The following TRIP12 variants were observed in gnomAD, a reference collection of about 807,000 sequenced individuals.
TRIP12 encodes the protein thyroid hormone receptor interactor 12.
Under a neutral mutation model 244.2 loss-of-function variants are expected in TRIP12, and 25 were observed. The ratio of observed to expected loss-of-function variants is 0.10; its 90% confidence interval spans 0.07 to 0.14. The LOEUF (loss-of-function observed/expected upper bound fraction) is 0.14. TRIP12 is among the 10% of genes least tolerant of loss of function. TRIP12 has a pLI of 1.00. For synonymous variants in TRIP12, 905 were observed against 873.1 expected (o/e 1.04, Z -0.64); for missense variants, 1,677 against 2,486.4 (o/e 0.67, Z 6.92).
At chr2:229,914,106 A>AGGGAATC (rs1422819019) in intron 1 of TRIP12, among the ~76,000 whole-genome samples, 1 of 152,168 alleles carries the variant, frequency 6.6e-6, no homozygotes, top group Non-Finnish European at 1.5e-5. Context: ...AGGCTGAGGC[A>AGGGAATC]GGGAATCGCT....
In TRIP12 at chr2:229,764,723, AG is replaced by A. The variant is rs2031278859; in HGVS notation, c.*2830del. The A allele has an allele frequency of 6.6e-6, 1 of 152,224 alleles. No individual in the cohort carries two copies. The highest frequency in any genetic ancestry group is 2.4e-5 in the African/African-American group (1 of 41,452). 9.4% of individuals were successfully genotyped at this position (152,224 alleles called of 1,614,324 possible). A position where few individuals can be genotyped will look rare whatever the true frequency, so the allele number is the denominator to read the frequency against. On this transcript the variant is annotated 3_prime_UTR_variant, in exon 42 of 42. Coordinates refer to ENST00000675903, the MANE Select transcript of TRIP12 (RefSeq NM_001348323.3). ...GCTCTGTCCCTTGGCCTTCTGTGGT[AG>A]GATGTATAGGATGCCCTAGGGAAGT...
intron 4 of TRIP12, among the ~76,000 whole-genome samples, chr2:229,849,921 GGCA>G: frequency 1.6e-5 from 2 of 126,950 alleles, no homozygotes; most frequent in Non-Finnish European, 3.3e-5. Flanking sequence ...GAAAATTTTT[GGCA>G]TAATACACAC....
At chr2:229,905,559 CA>C (rs2072499389) in intron 1 of TRIP12, among the ~76,000 whole-genome samples, 1 of 152,134 alleles carries the variant, frequency 6.6e-6, no homozygotes. Context: ...TCAAAAATAA[CA>C]AAAGCATTAT....
Position 229,774,127 on chromosome 2 carries a change from G to T in TRIP12, c.5664C>A (p.Val1888=). The T allele has an allele frequency of 6.2e-7, 1 of 1,614,082 alleles. No individual in the cohort carries two copies. The highest frequency in any genetic ancestry group is 1.1e-5 in the South Asian group (1 of 91,058). The change falls in exon 38 of 42, where the codon GTC becomes GTA. Residue 1888 remains valine, a synonymous_variant. Transcript: ENST00000675903. ...ELKKGGKDIP[V]TIHNLEEYLR... ...GATACTCCTCTAAATTGTGGATAGT[G>T]ACTGGTATATCCTTCCCTCCTTTCT...
At chr2:229,792,897 T>C (rs2041904037) in intron 27 of TRIP12, 76 bp downstream of exon 27, 1 of 1,418,308 alleles carries the variant, frequency 7.1e-7, no homozygotes, top group African/African-American at 1.4e-5. Flanking sequence ...AACAGAGAAA[T>C]AATGTATGTA....
chr2:229,917,184 T>A (rs190721114), intron 1 of TRIP12, among the ~76,000 whole-genome samples: 1 of 151,672 alleles, frequency 6.6e-6, no homozygotes, highest in South Asian at 2.1e-4. Context: ...ATCAAGACCA[T>A]CCTGGCTAAC....
At chr2:229,840,104 T>C (rs2056008667) in intron 5 of TRIP12, among the ~76,000 whole-genome samples, 1 of 152,222 alleles carries the variant, frequency 6.6e-6, no homozygotes, top group Non-Finnish European at 1.5e-5. Flanking sequence ...TTTTGATTCA[T>C]TAATCACACT....
intron 9 of TRIP12, among the ~76,000 whole-genome samples, chr2:229,817,436 G>A (rs531653426): frequency 2.9e-4 from 44 of 152,160 alleles, no homozygotes; most frequent in Non-Finnish European, 5.4e-4. Context: ...TTGTGCTAAG[G>A]TGCCTACATT....
Position 229,771,641 on chromosome 2 carries a change from A to G in TRIP12, c.5695-9T>C, listed in dbSNP as rs761708646. 3.2e-5 allele frequency: 51 copies of G among 1,609,450 alleles called. No individual in the cohort carries two copies. Among genetic ancestry groups the G allele is most frequent in the African/African-American group, 4.0e-5 (3 of 74,738 alleles). On this transcript the variant is annotated splice_polypyrimidine_tract_variant and intron_variant, in intron 38 of 41. Coordinates refer to ENST00000675903, the MANE Select transcript of TRIP12 (RefSeq NM_001348323.3). ...GCCCAGAATATAACCAGCTGCAAAA[A>G]GAAAGTTTTCAAAAAACTGTGACAA... is the stretch of plus-strand genomic sequence containing the variant.
rs112144509 is a variant in TRIP12 at position 229,769,415 on chromosome 2, T to C, written c.5809-90A>G. On this transcript the variant is annotated intron_variant, in intron 39 of 41. Coordinates refer to ENST00000675903, the MANE Select transcript of TRIP12 (RefSeq NM_001348323.3). Reference sequence around the variant, plus strand: ...AAGGTCTACGTGTACCATAAAAGAGTATCAGTCTCAGTACTAAAACCTTCT... The same window carrying C: ...AAGGTCTACGTGTACCATAAAAGAGCATCAGTCTCAGTACTAAAACCTTCT... 203 of 1,146,244 alleles carry C rather than the reference T, an allele frequency of 1.8e-4. 3 individuals carry two copies. In the African/African-American group the frequency reaches 2.5e-3, roughly 14 times the overall value. The allele number at this position is 1,146,244 out of a possible 1,614,324, so 71.0% of individuals were successfully genotyped here. A position where few individuals can be genotyped will look rare whatever the true frequency, so the allele number is the denominator to read the frequency against.
At chr2:229,874,049 T>C (rs1226589420) in intron 2 of TRIP12, among the ~76,000 whole-genome samples, 3 of 141,202 alleles carry the variant, frequency 2.1e-5, no homozygotes, top group Non-Finnish European at 4.7e-5. Flanking sequence ...AAATAAACCA[T>C]AAAAAAAAAA....
At chr2:229,862,051 G>GTTA (rs1434105497) in intron 2 of TRIP12, among the ~76,000 whole-genome samples, 1 of 151,970 alleles carries the variant, frequency 6.6e-6, no homozygotes, top group Non-Finnish European at 1.5e-5. Context: ...TGTTGTTGTT[G>GTTA]TTATTTTTTA....
At chr2:229,822,556 T>G (rs374669011) in intron 8 of TRIP12, among the ~76,000 whole-genome samples, 15 of 152,186 alleles carry the variant, frequency 9.9e-5, no homozygotes, top group African/African-American at 3.1e-4. Context: ...AAGTCCTGAT[T>G]AAAGTTAGAG....
intron 13 of TRIP12, among the ~76,000 whole-genome samples, chr2:229,813,504 C>T (rs1404754495): frequency 6.6e-6 from 1 of 152,096 alleles, no homozygotes; most frequent in Non-Finnish European, 1.5e-5. Context: ...AAAAAAGTGG[C>T]TGGGCGCGGT....
At chr2:229,830,862 A>G in intron 6 of TRIP12, 23 bp from the exon 7 acceptor site, 1 of 1,609,706 alleles carries the variant, frequency 6.2e-7, no homozygotes, top group Non-Finnish European at 8.5e-7. Flanking sequence ...GGGAAAGATG[A>G]GGGTTAGGAG....
At chr2:229,770,663 C>T (rs562590120) in intron 39 of TRIP12, among the ~76,000 whole-genome samples, 1 of 152,268 alleles carries the variant, frequency 6.6e-6, no homozygotes, top group South Asian at 2.1e-4. Flanking sequence ...TTTGGCTGTG[C>T]CCCTACCCCA....
At chr2:229,857,609 T>C (rs2059809570) in intron 4 of TRIP12, among the ~76,000 whole-genome samples, 1 of 149,022 alleles carries the variant, frequency 6.7e-6, no homozygotes, top group South Asian at 2.2e-4. Context: ...CACTACTCCA[T>C]CCTGGGCAAC....
chr2:229,821,647 G>A lies in TRIP12; in HGVS notation c.1451-3135C>T, dbSNP rs1053184383. On this transcript the variant is annotated intron_variant, in intron 8 of 41. Transcript: ENST00000675903. ...TCTCTTTTAAAATGTTTTCAGCCAC[G>A]TAAAATATAAAACCCATTCTTAAGA... Among the ~76,000 whole-genome samples the A allele has an allele frequency of 8.6e-5, 13 of 152,024 alleles. 1 individual carries two copies. Among genetic ancestry groups the A allele is most frequent in the African/African-American group, 3.1e-4 (13 of 41,388 alleles).
At chr2:229,920,799 A>C in intron 1 of TRIP12, among the ~76,000 whole-genome samples, 1 of 152,112 alleles carries the variant, frequency 6.6e-6, no homozygotes, top group East Asian at 1.9e-4. Flanking sequence ...GAAGGGAGAG[A>C]CGCCGAGGAA....
Sources: gnomAD v4.1 joint callset for allele counts (sites outside exome capture counted in the v4.1 genomes callset) on GRCh38, gnomAD v4.1.1 for gene constraint, MANE v1.5 for transcripts, NCBI Gene and HGNC (gene_info 2026-07-23, HGNC 2026-07-21) for gene names.